SGCD: variants seen among roughly 807,000 people sequenced by gnomAD.
SGCD encodes delta-sarcoglycan.
A neutral mutation model predicts 36.6 loss-of-function variants in SGCD; 18 were observed. The ratio of observed to expected loss-of-function variants is 0.49; its 90% CI spans 0.34 to 0.73. The LOEUF (loss-of-function observed/expected upper bound fraction) is 0.73, where lower values mean the gene tolerates loss of function less well. Ranked by LOEUF, SGCD falls within the 30% of genes least tolerant of loss-of-function variation. The pLI is 0.01. For synonymous variants in SGCD, 133 were observed against 130.6 expected (o/e 1.02, Z -0.12); for missense variants, 387 against 346.7 (o/e 1.12, Z -0.92).
At chr5:156,370,348 A>G (rs917169506) in intron 3 of SGCD, among the ~76,000 whole-genome samples, 5 of 152,254 alleles carry the variant, frequency 3.3e-5, no homozygotes, top group Non-Finnish European at 7.4e-5. Context: ...TTCCCTGTAT[A>G]CCAAACACAG....
At chr5:156,524,823 G>A (rs1757577413) in intron 4 of SGCD, among the ~76,000 whole-genome samples, 1 of 152,026 alleles carries the variant, frequency 6.6e-6, no homozygotes, top group Non-Finnish European at 1.5e-5. Flanking sequence ...ACATAAAAGT[G>A]AGACTATGCA....
intron 6 of SGCD, among the ~76,000 whole-genome samples, chr5:156,626,250 G>A (rs1561823392): frequency 6.6e-6 from 1 of 152,184 alleles, no homozygotes; most frequent in Non-Finnish European, 1.5e-5. Flanking sequence ...CTGGTTTTGT[G>A]CCCTGCATCC....
chr5:156,537,864 G>A (rs1228382774), intron 4 of SGCD, among the ~76,000 whole-genome samples: 1 of 151,940 alleles, frequency 6.6e-6, no homozygotes. Flanking sequence ...AAAGATGCTA[G>A]TGGCTAGATA....
At chr5:156,673,326 T>C (rs912305796) in intron 7 of SGCD, among the ~76,000 whole-genome samples, 12 of 152,202 alleles carry the variant, frequency 7.9e-5, no homozygotes, top group African/African-American at 2.9e-4. Flanking sequence ...GAAAGCAGTT[T>C]TAAAACTTCA....
chr5:156,307,557 T>TGTG (rs1157808007), intron 3 of SGCD, among the ~76,000 whole-genome samples: 1 of 95,628 alleles, frequency 1.0e-5, no homozygotes, highest in Non-Finnish European at 2.0e-5. Flanking sequence ...TAACTGTTGT[T>TGTG]TTTTTTTTTT....
chr5:155,878,334 T>C (rs1402364767), intron 1 of SGCD, among the ~76,000 whole-genome samples: 1 of 152,098 alleles, frequency 6.6e-6, no homozygotes, highest in Admixed American at 6.6e-5. Flanking sequence ...CTACCCTTCT[T>C]AGCATGTTGG....
chr5:156,553,639 T>G (rs907761836), intron 4 of SGCD, among the ~76,000 whole-genome samples: 3 of 152,170 alleles, frequency 2.0e-5, no homozygotes, highest in African/African-American at 7.2e-5. Flanking sequence ...TTACAACCCC[T>G]GGCAACCCTA....
chr5:155,963,812 T>C, intron 1 of SGCD, among the ~76,000 whole-genome samples: 1 of 152,110 alleles, frequency 6.6e-6, no homozygotes, highest in Admixed American at 6.6e-5. Context: ...TTTACTTTTT[T>C]TATAATTTAT....
At chr5:155,849,166 G>T in the SGCD span, among the ~76,000 whole-genome samples, 1 of 152,078 alleles carries the variant, frequency 6.6e-6, no homozygotes, top group Non-Finnish European at 1.5e-5. Flanking sequence ...AACTAATGTC[G>T]TAATGGTAAC....
chr5:156,111,069 C>A (rs997788665), intron 1 of SGCD, among the ~76,000 whole-genome samples: 1 of 152,102 alleles, frequency 6.6e-6, no homozygotes, highest in African/African-American at 2.4e-5. Flanking sequence ...CTAAAACATC[C>A]ATGGGCAGAT....
At chr5:156,290,990 G>T (rs1766743307) in intron 3 of SGCD, among the ~76,000 whole-genome samples, 1 of 152,042 alleles carries the variant, frequency 6.6e-6, no homozygotes, top group Non-Finnish European at 1.5e-5. Flanking sequence ...GACCCCTGTG[G>T]ATAACATAAT....
chr5:156,686,389 C>T (rs544556952), intron 7 of SGCD, among the ~76,000 whole-genome samples: 1 of 152,298 alleles, frequency 6.6e-6, no homozygotes, highest in African/African-American at 2.4e-5. Flanking sequence ...TGGTAATCTG[C>T]AAAGCCACTG....
intron 6 of SGCD, among the ~76,000 whole-genome samples, chr5:156,631,785 A>G (rs955232666): frequency 6.6e-6 from 1 of 152,144 alleles, no homozygotes; most frequent in African/African-American, 2.4e-5. Flanking sequence ...TTAAGCAGGC[A>G]TTTAAAATTG....
At chr5:156,651,721 T>G (rs1004938308) in intron 7 of SGCD, among the ~76,000 whole-genome samples, 5 of 152,144 alleles carry the variant, frequency 3.3e-5, no homozygotes, top group Non-Finnish European at 7.4e-5. Flanking sequence ...ACTTTGAAGC[T>G]GAGTAATGTG....
At chr5:156,379,440 T>G (rs1252186532) in intron 3 of SGCD, among the ~76,000 whole-genome samples, 2 of 152,160 alleles carry the variant, frequency 1.3e-5, no homozygotes, top group Middle Eastern at 3.2e-3. Context: ...ATATGGATGG[T>G]GTGTTCAAGA....
chr5:156,086,355 A>G (rs1013600289), intron 1 of SGCD, among the ~76,000 whole-genome samples: 1 of 152,254 alleles, frequency 6.6e-6, no homozygotes, highest in Non-Finnish European at 1.5e-5. Context: ...GACAAATAAC[A>G]GGTATGAGTG....
chr5:156,567,826 A>G (rs1581180169), intron 4 of SGCD, among the ~76,000 whole-genome samples: 1 of 152,172 alleles, frequency 6.6e-6, no homozygotes, highest in Non-Finnish European at 1.5e-5. Flanking sequence ...CAACCCAAAG[A>G]TTGTGGTCAG....
intron 6 of SGCD, among the ~76,000 whole-genome samples, chr5:156,618,910 G>A (rs1762127530): frequency 6.6e-6 from 1 of 152,182 alleles, no homozygotes; most frequent in Non-Finnish European, 1.5e-5. Context: ...GCAGCCCTCG[G>A]TGGTGCTCAG....
At chr5:156,256,594 T>C (rs1368161540) in intron 3 of SGCD, among the ~76,000 whole-genome samples, 1 of 152,220 alleles carries the variant, frequency 6.6e-6, no homozygotes, top group African/African-American at 2.4e-5. Flanking sequence ...TCATTTCCCG[T>C]TCTTAGTAAT....
Sources: gnomAD v4.1 joint callset for allele counts (sites outside exome capture counted in the v4.1 genomes callset) on GRCh38, gnomAD v4.1.1 for gene constraint, MANE v1.5 for transcripts, NCBI Gene and HGNC (gene_info 2026-07-23, HGNC 2026-07-21) for gene names.